Variants in CNIH2 observed in about 807,000 individuals in gnomAD.
The protein encoded by CNIH2 is cornichon family AMPA receptor auxiliary protein 2.
In CNIH2, 8 loss-of-function variants were observed where a neutral mutation model predicts 22.9. The ratio of observed to expected loss-of-function variants is 0.35; its 90% CI spans 0.20 to 0.63. The LOEUF (loss-of-function observed/expected upper bound fraction) is 0.63. CNIH2 is among the 30% of genes least tolerant of loss of function. The pLI, the probability that CNIH2 is intolerant of heterozygous loss-of-function variation, is 0.72. For synonymous variants in CNIH2, 74 were observed against 78.2 expected, an observed-to-expected ratio of 0.95 and a Z score of 0.28; for missense variants, 105 against 206.2, an observed-to-expected ratio of 0.51 and a Z score of 3.01.
intron 2 of CNIH2, 35 bp downstream of exon 2, chr11:66,282,362 G>A: frequency 1.3e-6 from 2 of 1,596,036 alleles, no homozygotes; most frequent in Non-Finnish European, 1.7e-6. Context: ...AGGTGTGTCC[G>A]TCCGTCTGTC....
chr11:66,282,575 A>T (rs1857276142), intron 2 of CNIH2, 158 bp from the exon 3 acceptor site: 8 of 912,584 alleles, frequency 8.8e-6, no homozygotes, highest in Non-Finnish European at 1.3e-5. Flanking sequence ...TTCCATGGTG[A>T]CGGTCGCCAT....
intron 1 of CNIH2, among the ~76,000 whole-genome samples, chr11:66,281,214 T>A (rs910235996): frequency 6.6e-6 from 1 of 152,202 alleles, no homozygotes; most frequent in African/African-American, 2.4e-5. Flanking sequence ...CCCTTGCTGG[T>A]CTGGCCTGAG....
At chr11:66,283,429 G>C in intron 5 of CNIH2, 38 bp downstream of exon 5, 1 of 1,612,932 alleles carries the variant, frequency 6.2e-7, no homozygotes, top group Non-Finnish European at 8.5e-7. Context: ...CTCAGGGAAG[G>C]GATGTCCCAG....
At chr11:66,281,279 C>T (rs961602155) in intron 1 of CNIH2, 4 of 427,506 alleles carry the variant, frequency 9.4e-6, no homozygotes, top group South Asian at 5.1e-5. Flanking sequence ...TTAGAATCCA[C>T]TAACCAGCCG....
Position 66,278,919 on chromosome 11 carries a change from C to G in CNIH2, c.81+382C>G, listed in dbSNP as rs1353939166. Among the ~76,000 whole-genome samples, 455 of 96,052 alleles carry G rather than the reference C, an allele frequency of 4.7e-3. 25 individuals are homozygous for G. Among genetic ancestry groups the G allele is most frequent in the Non-Finnish European group, 7.5e-3 (310 of 41,384 alleles). The allele number at this position is 96,052 out of a possible 152,430, so 63.0% of individuals were successfully genotyped here. A position where few individuals can be genotyped will look rare whatever the true frequency, so the allele number is the denominator to read the frequency against. On this transcript the variant is annotated intron_variant, in intron 1 of 5. Transcript: ENST00000311445. ...CGGGCAGTTTGTCTGTCTGCTGCCCCCCCCCCCCCGCCTTTGTGGGTTTTT... is the reference window on the plus strand; with the variant it reads ...CGGGCAGTTTGTCTGTCTGCTGCCCGCCCCCCCCCGCCTTTGTGGGTTTTT...
At chr11:66,279,446 C>G (rs1857225283) in intron 1 of CNIH2, among the ~76,000 whole-genome samples, 1 of 151,878 alleles carries the variant, frequency 6.6e-6, no homozygotes, top group Non-Finnish European at 1.5e-5. Flanking sequence ...GCCCTCCGTC[C>G]CCACCCCCAC....
rs1213831014 is a variant in CNIH2 at position 66,283,751 on chromosome 11, C to T, written c.*154C>T. The T allele has an allele frequency of 3.9e-6, 3 of 768,196 alleles. No homozygotes were observed. The highest frequency in any genetic ancestry group is 3.6e-5 in the South Asian group (2 of 55,050). The allele number at this position is 768,196 out of a possible 1,614,324, so 47.6% of individuals were successfully genotyped here. On this transcript the variant is annotated 3_prime_UTR_variant, in exon 6 of 6. Coordinates refer to ENST00000311445, the MANE Select transcript of CNIH2 (RefSeq NM_182553.3). Reference sequence around the variant, plus strand: ...CCCCAAACTGCTGCTGCGGGGAACCCCCCCCACCCCGCCTTCAGAGCCCTC... The same window carrying T: ...CCCCAAACTGCTGCTGCGGGGAACCTCCCCCACCCCGCCTTCAGAGCCCTC...
At chr11:66,279,964 T>C (rs1384249586) in intron 1 of CNIH2, among the ~76,000 whole-genome samples, 3 of 152,210 alleles carry the variant, frequency 2.0e-5, no homozygotes, top group Non-Finnish European at 2.9e-5. Context: ...GCTAGGGTTC[T>C]AAGGACTGGA....
rs201305151 is a variant in CNIH2, at chr11:66,278,546, G to C, written c.81+9G>C. On this transcript the variant is annotated intron_variant, in intron 1 of 5. Coordinates refer to ENST00000311445, the MANE Select transcript of CNIH2 (RefSeq NM_182553.3). The stretch of plus-strand genomic sequence containing the variant: ...TCTTTGTCATCTGGCACGTAAGGCC[G>C]GGCTGGGGCTGGGGCTGGGGGCGGG... The C allele has an allele frequency of 6.8e-5, 88 of 1,291,208 alleles. No homozygotes were observed. In the East Asian group the frequency reaches 2.4e-3, roughly 35 times the overall value. The allele number at this position is 1,291,208 out of a possible 1,614,324, so 80.0% of individuals were successfully genotyped here.
chr11:66,278,818 G>A (rs1391501750), intron 1 of CNIH2, among the ~76,000 whole-genome samples: 1 of 150,712 alleles, frequency 6.6e-6, no homozygotes, highest in East Asian at 2.0e-4. Flanking sequence ...GAGGTGGGGG[G>A]TGGAATTCTG....
At chr11:66,280,656 G>A (rs549082741) in intron 1 of CNIH2, among the ~76,000 whole-genome samples, 3 of 152,170 alleles carry the variant, frequency 2.0e-5, no homozygotes, top group Non-Finnish European at 2.9e-5. Flanking sequence ...GACGCCCGCC[G>A]CCTGCTGGTG....
In CNIH2 at chr11:66,283,829, C is replaced by T. The variant is rs770497615; in HGVS notation, c.*232C>T. On this transcript the variant is annotated 3_prime_UTR_variant, in exon 6 of 6. Coordinates refer to ENST00000311445, the MANE Select transcript of CNIH2 (RefSeq NM_182553.3). ...GCTCTAAACAGGGGCAGGGGCTCCTCTGCCAGCCTGTGGGCATGGCAGTCA... is the reference window on the plus strand; with the variant it reads ...GCTCTAAACAGGGGCAGGGGCTCCTTTGCCAGCCTGTGGGCATGGCAGTCA... 1.5e-4 allele frequency: 81 copies of T among 549,700 alleles called. 1 individual carries two copies. The highest frequency in any genetic ancestry group is 1.4e-3 in the Middle Eastern group (3 of 2,094). The allele number at this position is 549,700 out of a possible 1,614,324, so 34.1% of individuals were successfully genotyped here.
In CNIH2 at chr11:66,278,423, G is replaced by A; in HGVS notation, c.-34G>A. The A allele has an allele frequency of 9.1e-7, 1 of 1,094,382 alleles. No individual in the cohort carries two copies. The allele number at this position is 1,094,382 out of a possible 1,614,324, so 67.8% of individuals were successfully genotyped here. ...TCCCCTTGCGCCCGGGCCCCGCGCT[G>A]GCGCCCCCCGGGCCGCCGCCCGGCG... On this transcript the variant is annotated 5_prime_UTR_variant, in exon 1 of 6. Coordinates refer to ENST00000311445, the MANE Select transcript of CNIH2 (RefSeq NM_182553.3).
intron 1 of CNIH2, chr11:66,281,402 C>T (rs1280458949): frequency 2.2e-6 from 1 of 456,146 alleles, no homozygotes; most frequent in Non-Finnish European, 4.4e-6. Context: ...ATGAGTGAAT[C>T]CACATACCGG....
chr11:66,283,442 T>G lies in CNIH2; in HGVS notation c.455+51T>G, dbSNP rs764260297. The G allele has an allele frequency of 1.1e-5, 18 of 1,612,212 alleles. No individual in the cohort carries two copies. The South Asian group carries it at 1.9e-4, about 17-fold the overall frequency. ...AACTCAGGGAAGGGATGTCCCAGCA[T>G]CACGCTTCCAATCCCAAGTTCCTGC... On this transcript the variant is annotated intron_variant, in intron 5 of 5. Transcript: ENST00000311445.
chr11:66,278,856 C>A (rs1191033909), intron 1 of CNIH2, among the ~76,000 whole-genome samples: 4 of 110,354 alleles, frequency 3.6e-5, no homozygotes, highest in South Asian at 7.6e-4. Flanking sequence ...TCTTCTATGT[C>A]CCCCCCCACC....
At position 66,283,607 on chromosome 11, in the gene CNIH2, C is replaced by T. The variant is rs1296673541; in HGVS notation, c.*10C>T. ...GTTGGTGAGTTTCTAAGGGGGAAGCCGGCCAGGGAGCGAGCCCAGAACGGA... is the reference window on the plus strand; with the variant it reads ...GTTGGTGAGTTTCTAAGGGGGAAGCTGGCCAGGGAGCGAGCCCAGAACGGA... On this transcript the variant is annotated 3_prime_UTR_variant, in exon 6 of 6. Transcript: ENST00000311445. 5.7e-6 allele frequency: 9 copies of T among 1,568,556 alleles called. No individual in the cohort carries two copies. The East Asian group carries it at 7.1e-5, about 12-fold the overall frequency.
chr11:66,282,428 G>GCT, intron 2 of CNIH2, 101 bp downstream of exon 2: 1 of 713,850 alleles, frequency 1.4e-6, no homozygotes, highest in Non-Finnish European at 2.4e-6. Context: ...TGGGGTGGGG[G>GCT]GCCTACGGCC....
chr11:66,278,451 G>C lies in CNIH2; in HGVS notation c.-6G>C. 2 of 1,319,782 alleles carry C rather than the reference G, an allele frequency of 1.5e-6. No individual in the cohort carries two copies. The highest frequency in any genetic ancestry group is 2.0e-6 in the Non-Finnish European group (2 of 1,024,034). 81.8% of individuals were successfully genotyped at this position (1,319,782 alleles called of 1,614,324 possible). On this transcript the variant is annotated 5_prime_UTR_variant, in exon 1 of 6. Coordinates refer to ENST00000311445, the MANE Select transcript of CNIH2 (RefSeq NM_182553.3). ...GCCCCCCGGGCCGCCGCCCGGCGCG[G>C]GGGCCATGGCGTTCACCTTCGCCGC...
Sources: allele counts gnomAD v4.1 joint callset (sites outside exome capture counted in the v4.1 genomes callset), GRCh38; gene constraint gnomAD v4.1.1; transcripts MANE v1.5; gene names NCBI Gene and HGNC (gene_info 2026-07-23, HGNC 2026-07-21).